The following POLDIP2 variants were observed in gnomAD, a reference collection of about 807,000 sequenced individuals.
POLDIP2 encodes the protein DNA polymerase delta interacting protein 2, also known as polymerase delta-interacting protein 2.
POLDIP2 carries 32 observed loss-of-function variants against 52.9 expected under a neutral mutation model. That is an observed-to-expected ratio of 0.61 (90% CI 0.46 to 0.81). The LOEUF (loss-of-function observed/expected upper bound fraction) is 0.81, where lower values mean the gene tolerates loss of function less well. Among genes scored for constraint, POLDIP2 ranks in the 40% least tolerant of loss-of-function variants. POLDIP2 has a pLI of 0.00. For missense variants in POLDIP2, 371 were observed against 477.3 expected, an observed-to-expected ratio of 0.78 and a Z score of 2.07; for synonymous variants, 183 against 183.0, an observed-to-expected ratio of 1.00 and a Z score of 0.00.
intron 6 of POLDIP2, 54 bp downstream of exon 6, chr17:28,352,858 A>G (rs1555580252): frequency 4.6e-6 from 5 of 1,090,388 alleles, no homozygotes; most frequent in African/African-American, 1.6e-5. Context: ...TTTCTATGAT[A>G]TTCTTTGATG....
rs1907614344 is a variant in POLDIP2 at position 28,347,292 on chromosome 17, T to C, written c.*825A>G. 1 of 152,216 alleles carries C rather than the reference T, an allele frequency of 6.6e-6. No homozygotes were observed. 9.4% of individuals were successfully genotyped at this position (152,216 alleles called of 1,614,324 possible). A position where few individuals can be genotyped will look rare whatever the true frequency, so the allele number is the denominator to read the frequency against. ...TTGGGGCAAGATGCAGCACAATTCA[T>C]CTCTGGCTCTTGGAAATCTGAGAGA... On this transcript the variant is annotated 3_prime_UTR_variant, in exon 11 of 11. Coordinates refer to ENST00000540200, the MANE Select transcript of POLDIP2 (RefSeq NM_015584.5).
At position 28,357,405 on chromosome 17, in the gene POLDIP2, C is replaced by T; in HGVS notation, c.44G>A (p.Arg15His). 2 of 1,511,900 alleles carry T rather than the reference C, an allele frequency of 1.3e-6. No homozygotes were observed. The highest frequency in any genetic ancestry group is 8.8e-7 in the Non-Finnish European group (1 of 1,139,478). 93.7% of individuals were successfully genotyped at this position (1,511,900 alleles called of 1,614,324 possible). Reference sequence around the variant, plus strand: ...CCCAGTCAGCGACCGGGACCACCAGCGGCTGCCCACGGCCAGGGCCCGCCG... The same window carrying T: ...CCCAGTCAGCGACCGGGACCACCAGTGGCTGCCCACGGCCAGGGCCCGCCG... ...TARRALAVGSRWWSRSLTGAR... is the reference protein window; with the variant it reads ...TARRALAVGSHWWSRSLTGAR... Residue 15 changes from arginine to histidine, a missense_variant, in exon 1 of 11, where the codon CGC becomes CAC. Arg to His is a conservative substitution (Grantham distance 29, BLOSUM62 0). Transcript: ENST00000540200.
chr17:28,357,495 C>A lies in POLDIP2; in HGVS notation c.-47G>T, dbSNP rs1324341365. The stretch of plus-strand genomic sequence containing the variant: ...GGCTGCTGACACAGAGCCCGACCCG[C>A]GGCCGGGCGGCGTTCCGCCCCAGTC... On this transcript the variant is annotated 5_prime_UTR_variant, in exon 1 of 11. Transcript: ENST00000540200. The A allele has an allele frequency of 7.0e-7, 1 of 1,432,210 alleles. No homozygotes were observed. Among genetic ancestry groups the A allele is most frequent in the East Asian group, 2.6e-5 (1 of 37,978 alleles). 88.7% of individuals were successfully genotyped at this position (1,432,210 alleles called of 1,614,324 possible).
intron 9 of POLDIP2, among the ~76,000 whole-genome samples, chr17:28,349,729 TCTC>T (rs1907726016): frequency 1.3e-5 from 2 of 152,200 alleles, no homozygotes; most frequent in Admixed American, 6.5e-5. Flanking sequence ...CTGCTTTAAT[TCTC>T]CTAATGATCA....
chr17:28,348,997 T>C (rs1456210439), intron 10 of POLDIP2, 86 bp downstream of exon 10: 4 of 871,700 alleles, frequency 4.6e-6, no homozygotes, highest in Admixed American at 4.7e-5. Context: ...CCAGAGTTAA[T>C]GGCAAGCTCT....
chr17:28,353,259 C>T lies in POLDIP2; in HGVS notation c.496G>A (p.Ala166Thr). ...TACTCACCTGGGATGGCATAGAGGG[C>T]CCGACTGTCATCATGGTTAGCCAAG... ...TFLANHDDSRALYAIPGLDYV... is the reference protein window; with the variant it reads ...TFLANHDDSRTLYAIPGLDYV... Residue 166 changes from alanine (A) to threonine (T), a missense_variant, in exon 5 of 11, where the codon GCC becomes ACC. Coordinates refer to ENST00000540200, the MANE Select transcript of POLDIP2 (RefSeq NM_015584.5). 6.3e-7 allele frequency: 1 copy of T among 1,582,612 alleles called. No homozygotes were observed. Among genetic ancestry groups the T allele is most frequent in the South Asian group, 1.1e-5 (1 of 89,252 alleles).
At chr17:28,350,383 C>G (rs1303305903) in intron 9 of POLDIP2, 55 bp downstream of exon 9, 1 of 1,514,960 alleles carries the variant, frequency 6.6e-7, no homozygotes, top group Non-Finnish European at 8.9e-7. Context: ...AAGCCATGCG[C>G]TAAGCCCCCA....
Position 28,355,894 on chromosome 17 carries a change from G to C in POLDIP2, c.162-18C>G, listed in dbSNP as rs782135845. 22 of 1,594,268 alleles carry C rather than the reference G, an allele frequency of 1.4e-5. No homozygotes were observed. In the Admixed American group the frequency reaches 3.7e-4, roughly 27 times the overall value. ...GTCGGTTTCTGAGTAGGAAGGAAAA[G>C]AACAAGCAACAGAAAAGCTGAGAAG... On this transcript the variant is annotated intron_variant, in intron 1 of 10. Coordinates refer to ENST00000540200, the MANE Select transcript of POLDIP2 (RefSeq NM_015584.5).
rs1907651917 is a variant in POLDIP2, at chr17:28,348,066, A to G, written c.*51T>C. The G allele has an allele frequency of 1.4e-5, 14 of 1,006,588 alleles. No homozygotes were observed. In the South Asian group the frequency reaches 1.8e-4, roughly 13 times the overall value. The allele number at this position is 1,006,588 out of a possible 1,614,324, so 62.4% of individuals were successfully genotyped here. Reference sequence around the variant, plus strand: ...AGAGTTCTGCAGCAATTGTGGGATGAGAGTTGTTCTTCCCGGTGACCAAGC... The same window carrying G: ...AGAGTTCTGCAGCAATTGTGGGATGGGAGTTGTTCTTCCCGGTGACCAAGC... On this transcript the variant is annotated 3_prime_UTR_variant, in exon 11 of 11. Transcript: ENST00000540200.
chr17:28,352,982 G>A lies in POLDIP2; in HGVS notation c.552C>T (p.Tyr184=), dbSNP rs369606371. The A allele has an allele frequency of 1.1e-5, 16 of 1,396,320 alleles. No homozygotes were observed. In the African/African-American group the frequency reaches 1.7e-4, roughly 15 times the overall value. 86.5% of individuals were successfully genotyped at this position (1,396,320 alleles called of 1,614,324 possible). ...GGATGGGAACCTGATCAGTGGAGGT[G>A]TAGGGGAGGATGTCTTCATGGCTGA... ...DYVSHEDILP[Y]TSTDQVPIQH... The change falls in exon 6 of 11, where the codon TAC becomes TAT. Residue 184 remains tyrosine (Y), a synonymous_variant. Transcript: ENST00000540200.
Position 28,357,417 on chromosome 17 carries a change from GC to G in POLDIP2, c.31del (p.Ala11ProfsTer11). On this transcript the variant is annotated frameshift_variant, in exon 1 of 11. Transcript: ENST00000540200. LOFTEE classifies it high-confidence loss of function. ...CCGGGACCACCAGCGGCTGCCCACG[GC>G]CAGGGCCCGCCGGGCTGTACAGGCT... MAACTARRAL[A>X]VGSRWWSRSL... 1 of 1,501,032 alleles carries G rather than the reference GC, an allele frequency of 6.7e-7. No individual in the cohort carries two copies. Among genetic ancestry groups the G allele is most frequent in the Non-Finnish European group, 8.8e-7 (1 of 1,134,226 alleles). 93.0% of individuals were successfully genotyped at this position (1,501,032 alleles called of 1,614,324 possible).
In POLDIP2 at chr17:28,353,685, GCTTA is replaced by G; in HGVS notation, c.438+6_438+9del. On this transcript the variant is annotated splice_donor_region_variant and intron_variant, in intron 4 of 10. Coordinates refer to ENST00000540200, the MANE Select transcript of POLDIP2 (RefSeq NM_015584.5). ...GAGGACCCCCAAGCCCAGCCATCTT[GCTTA>G]CTTACTATATGTGGGCAGTCACGAG... 6.3e-7 allele frequency: 1 copy of G among 1,591,596 alleles called. No homozygotes were observed. The highest frequency in any genetic ancestry group is 8.6e-7 in the Non-Finnish European group (1 of 1,159,966).
In POLDIP2 at chr17:28,347,504, G is replaced by A. The variant is rs1907624038; in HGVS notation, c.*613C>T. The A allele has an allele frequency of 6.6e-6, 1 of 152,302 alleles. No homozygotes were observed. The highest frequency in any genetic ancestry group is 2.4e-5 in the African/African-American group (1 of 41,458). 9.4% of individuals were successfully genotyped at this position (152,302 alleles called of 1,614,324 possible). Reference sequence around the variant, plus strand: ...CCTAGCGAGGCCAGAAATGGCAATGGTCGGTCAGTGCTAAGAGCCAGGCCA... The same window carrying A: ...CCTAGCGAGGCCAGAAATGGCAATGATCGGTCAGTGCTAAGAGCCAGGCCA... On this transcript the variant is annotated 3_prime_UTR_variant, in exon 11 of 11. Transcript: ENST00000540200.
At chr17:28,352,223 C>A (rs1555580117) in intron 6 of POLDIP2, among the ~76,000 whole-genome samples, 3 of 91,886 alleles carry the variant, frequency 3.3e-5, no homozygotes. Context: ...GGAAATAGAG[C>A]GTTGGAATTA....
chr17:28,354,731 A>G, intron 2 of POLDIP2, 146 bp from the exon 3 acceptor site: 2 of 646,570 alleles, frequency 3.1e-6, no homozygotes, highest in South Asian at 1.8e-5. Context: ...AACCAGACCA[A>G]TGCTGGAACA....
rs3093717 is a variant in POLDIP2 at position 28,348,502 on chromosome 17, G to C, written c.993-271C>G. The stretch of plus-strand genomic sequence containing the variant: ...CAGATCACCTGAGGTCACCTGAGGT[G>C]GGGAGTTTGAGACCAGCCTGACCAA... On this transcript the variant is annotated intron_variant, in intron 10 of 10. Transcript: ENST00000540200. 6.3e-3 allele frequency among the ~76,000 whole-genome samples: 961 copies of C among 152,282 alleles called. 13 individuals are homozygous for C. The highest frequency in any genetic ancestry group is 0.022 in the African/African-American group (918 of 41,558).
chr17:28,351,206 G>A (rs1383767155), intron 7 of POLDIP2, among the ~76,000 whole-genome samples: 1 of 152,258 alleles, frequency 6.6e-6, no homozygotes. Flanking sequence ...GGAAGACAGG[G>A]ACGGTGTTTC....
chr17:28,350,344 G>A (rs1597799415), intron 9 of POLDIP2, 94 bp downstream of exon 9: 3 of 1,076,220 alleles, frequency 2.8e-6, no homozygotes, highest in East Asian at 2.7e-5. Context: ...CACAAAGTGA[G>A]CCTCTGTCTA....
chr17:28,353,812 G>A (rs1053670252), intron 3 of POLDIP2, 21 bp from the exon 4 acceptor site: 5 of 1,503,970 alleles, frequency 3.3e-6, no homozygotes, highest in Non-Finnish European at 4.6e-6. Context: ...GGAGAAGGAG[G>A]CCAAGATCAC....
Sources: allele counts gnomAD v4.1 joint callset (sites outside exome capture counted in the v4.1 genomes callset), GRCh38; gene constraint gnomAD v4.1.1; transcripts MANE v1.5; gene names NCBI Gene and HGNC (gene_info 2026-07-23, HGNC 2026-07-21).